PLBD1: variants seen among roughly 807,000 people sequenced by gnomAD.
The protein encoded by PLBD1 is phospholipase B domain containing 1.
In PLBD1, 60 loss-of-function variants were observed where a neutral mutation model predicts 63.0. The ratio of observed to expected loss-of-function variants is 0.95; its 90% CI spans 0.77 to 1.18. The LOEUF (loss-of-function observed/expected upper bound fraction) is 1.18. Among genes scored for constraint, PLBD1 ranks in the 50% most tolerant of loss-of-function variants. The pLI, the probability that PLBD1 is intolerant of heterozygous loss-of-function variation, is 0.00. For synonymous variants in PLBD1, 262 were observed against 248.0 expected (o/e 1.06, Z -0.53); for missense variants, 598 against 677.9 (o/e 0.88, Z 1.31).
At chr12:14,517,987 C>T (rs1263141267) in intron 6 of PLBD1, among the ~76,000 whole-genome samples, 5 of 152,126 alleles carry the variant, frequency 3.3e-5, no homozygotes, top group Non-Finnish European at 1.5e-5. Context: ...TCGAGACCAG[C>T]CTGGCCAACA....
intron 6 of PLBD1, among the ~76,000 whole-genome samples, chr12:14,525,299 AT>A (rs1225850148): frequency 6.6e-6 from 1 of 152,060 alleles, no homozygotes. Flanking sequence ...TAAACAAAAA[AT>A]AAAACAAAGA....
intron 6 of PLBD1, among the ~76,000 whole-genome samples, chr12:14,535,014 C>T (rs772210068): frequency 3.3e-5 from 5 of 152,166 alleles, no homozygotes; most frequent in Non-Finnish European, 7.3e-5. Context: ...TGTTCATGGT[C>T]TATCTCAAAG....
intron 6 of PLBD1, among the ~76,000 whole-genome samples, chr12:14,523,766 A>G (rs1945395769): frequency 6.6e-6 from 1 of 152,220 alleles, no homozygotes; most frequent in African/African-American, 2.4e-5. Flanking sequence ...AAAACTGGGT[A>G]TCTACATGGA....
intron 6 of PLBD1, among the ~76,000 whole-genome samples, chr12:14,525,733 T>C (rs1945411918): frequency 6.6e-6 from 1 of 150,502 alleles, no homozygotes; most frequent in African/African-American, 2.5e-5. Context: ...ACACTTGTTT[T>C]AATTTTTTAA....
At chr12:14,529,928 C>T (rs979515640) in intron 6 of PLBD1, among the ~76,000 whole-genome samples, 3 of 152,152 alleles carry the variant, frequency 2.0e-5, no homozygotes, top group Non-Finnish European at 2.9e-5. Context: ...ACAAAAAAAT[C>T]GTAATACATT....
At chr12:14,540,980 T>A in intron 3 of PLBD1, 78 bp from the exon 4 acceptor site, 7 of 1,377,242 alleles carry the variant, frequency 5.1e-6, no homozygotes, top group Non-Finnish European at 6.9e-6. Flanking sequence ...CATTGAGAGA[T>A]TATATACTCA....
At chr12:14,507,419 A>C (rs1945264865) in intron 8 of PLBD1, among the ~76,000 whole-genome samples, 1 of 152,216 alleles carries the variant, frequency 6.6e-6, no homozygotes, top group South Asian at 2.1e-4. Flanking sequence ...CATATTCTCT[A>C]TAGAGCAAAA....
At chr12:14,508,092 G>C (rs1945270187) in intron 8 of PLBD1, among the ~76,000 whole-genome samples, 1 of 152,210 alleles carries the variant, frequency 6.6e-6, no homozygotes, top group African/African-American at 2.4e-5. Flanking sequence ...TTCTGAGACA[G>C]AGCCAGCATC....
At chr12:14,534,952 CT>C (rs1341726432) in intron 6 of PLBD1, among the ~76,000 whole-genome samples, 2 of 152,180 alleles carry the variant, frequency 1.3e-5, no homozygotes, top group Non-Finnish European at 2.9e-5. Flanking sequence ...TCCATCTCTA[CT>C]TTTTCAAATT....
chr12:14,520,604 C>T (rs1945366903), intron 6 of PLBD1, among the ~76,000 whole-genome samples: 1 of 152,092 alleles, frequency 6.6e-6, no homozygotes, highest in Admixed American at 6.5e-5. Context: ...CAAAGGAGAA[C>T]ACTAAAGTGT....
intron 6 of PLBD1, among the ~76,000 whole-genome samples, chr12:14,519,605 T>C (rs1035236824): frequency 3.0e-5 from 4 of 133,038 alleles, no homozygotes; most frequent in Admixed American, 1.7e-4. Context: ...GATGACAGAG[T>C]GAGACATCAT....
In PLBD1 at chr12:14,511,378, C is replaced by CTG. The variant is rs1945297068; in HGVS notation, c.1067_1068insCA (p.Met356IlefsTer6). On this transcript the variant is annotated frameshift_variant, in exon 8 of 11. Transcript: ENST00000240617. LOFTEE classifies it high-confidence loss of function. ...GCTTTACTTTCTTCAGGTCCAGAACCATGTATTGATTGTTATAGGTGCCTG... is the reference window on the plus strand; with the variant it reads ...GCTTTACTTTCTTCAGGTCCAGAACCTGATGTATTGATTGTTATAGGTGCCTG... 6.2e-7 allele frequency: 1 copy of CTG among 1,613,588 alleles called. No homozygotes were observed. The highest frequency in any genetic ancestry group is 1.3e-5 in the African/African-American group (1 of 74,906).
chr12:14,507,223 G>T, intron 8 of PLBD1, 105 bp from the exon 9 acceptor site: 1 of 859,974 alleles, frequency 1.2e-6, no homozygotes, highest in Non-Finnish European at 1.8e-6. Context: ...TTTTGAAAAT[G>T]GGCACAGGCA....
chr12:14,540,043 T>TACACAC (rs1565577591), intron 4 of PLBD1, among the ~76,000 whole-genome samples: 42 of 59,542 alleles, frequency 7.1e-4, no homozygotes, highest in African/African-American at 2.0e-3. Context: ...TATATATATA[T>TACACAC]ATATATATAT....
At chr12:14,509,860 C>T (rs778621739) in intron 8 of PLBD1, among the ~76,000 whole-genome samples, 4 of 152,124 alleles carry the variant, frequency 2.6e-5, no homozygotes, top group African/African-American at 4.8e-5. Flanking sequence ...TTAAAGCTAA[C>T]ATTTTCTCTC....
intron 6 of PLBD1, among the ~76,000 whole-genome samples, chr12:14,534,329 T>A (rs1945492706): frequency 6.6e-6 from 1 of 152,170 alleles, no homozygotes; most frequent in South Asian, 2.1e-4. Context: ...ACTTTGCTCA[T>A]AATGTTTCCT....
At chr12:14,549,859 GT>G (rs929766731) in intron 2 of PLBD1, among the ~76,000 whole-genome samples, 75 of 152,172 alleles carry the variant, frequency 4.9e-4, no homozygotes, top group African/African-American at 1.8e-3. Flanking sequence ...GTAGAGACGG[GT>G]TTTCGCCATG....
At position 14,506,247 on chromosome 12, in the gene PLBD1, C is replaced by CT. The variant is rs1565569695; in HGVS notation, c.1393dup (p.Ser465LysfsTer2). The CT allele has an allele frequency of 1.2e-6, 2 of 1,610,686 alleles. No homozygotes were observed. Among genetic ancestry groups the CT allele is most frequent in the African/African-American group, 2.7e-5 (2 of 74,794 alleles). ...GATGGTATTACAGGGGTCACCTCTA[C>CT]TGTAAGGATCCTTCTTATAATCTAG... On this transcript the variant is annotated frameshift_variant, in exon 10 of 11. Coordinates refer to ENST00000240617, the MANE Select transcript of PLBD1 (RefSeq NM_024829.6). LOFTEE classifies it high-confidence loss of function.
intron 6 of PLBD1, among the ~76,000 whole-genome samples, chr12:14,514,026 G>T (rs143708805): frequency 6.6e-5 from 10 of 151,966 alleles, no homozygotes; most frequent in Non-Finnish European, 1.3e-4. Flanking sequence ...TGATCTGCCC[G>T]CCTCGGCCTC....
Sources: allele counts gnomAD v4.1 joint callset (sites outside exome capture counted in the v4.1 genomes callset), GRCh38; gene constraint gnomAD v4.1.1; transcripts MANE v1.5; gene names NCBI Gene and HGNC (gene_info 2026-07-23, HGNC 2026-07-21).